HACL1: variants seen among roughly 807,000 people sequenced by gnomAD.
The protein encoded by HACL1 is 1600020H07Rik.
Under a neutral mutation model 74.2 loss-of-function variants are expected in HACL1, and 64 were observed. That is an observed-to-expected ratio of 0.86 (90% confidence interval 0.70 to 1.06). HACL1 has a LOEUF of 1.06. HACL1 is among the 50% of genes least tolerant of loss of function. HACL1 has a pLI of 0.00. For synonymous variants in HACL1, 230 were observed against 238.8 expected, an observed-to-expected ratio of 0.96 and a Z score of 0.34; for missense variants, 728 against 719.7, an observed-to-expected ratio of 1.01 and a Z score of -0.13.
At chr3:15,582,614 T>G (rs903500062) in intron 8 of HACL1, among the ~76,000 whole-genome samples, 1 of 152,234 alleles carries the variant, frequency 6.6e-6, no homozygotes, top group African/African-American at 2.4e-5. Flanking sequence ...TTTCTTGATT[T>G]TTCCAAAATG....
chr3:15,593,566 C>G (rs1181573955), intron 3 of HACL1, among the ~76,000 whole-genome samples: 1 of 152,088 alleles, frequency 6.6e-6, no homozygotes, highest in Non-Finnish European at 1.5e-5. Context: ...AGGTACCTAT[C>G]ATTTTCACAC....
At chr3:15,590,894 A>G (rs570410846) in intron 4 of HACL1, among the ~76,000 whole-genome samples, 1 of 152,334 alleles carries the variant, frequency 6.6e-6, no homozygotes, top group East Asian at 1.9e-4. Flanking sequence ...CAGCCTGGCC[A>G]GCATGGTGAA....
intron 15 of HACL1, among the ~76,000 whole-genome samples, chr3:15,563,837 G>A (rs2063387605): frequency 6.6e-6 from 1 of 152,180 alleles, no homozygotes; most frequent in South Asian, 2.1e-4. Context: ...TGACTAAACT[G>A]AGGAACTAAA....
chr3:15,588,066 G>A (rs1167024807), intron 5 of HACL1, among the ~76,000 whole-genome samples: 1 of 151,810 alleles, frequency 6.6e-6, no homozygotes, highest in Admixed American at 6.6e-5. Flanking sequence ...GCTAATTTTT[G>A]TATTTTTAGT....
At chr3:15,568,169 C>G (rs1212927711) in intron 13 of HACL1, among the ~76,000 whole-genome samples, 167 bp from the exon 14 acceptor site, 1 of 152,100 alleles carries the variant, frequency 6.6e-6, no homozygotes, top group East Asian at 1.9e-4. Context: ...ACTAATTTGT[C>G]AAGGATAGAA....
rs2063738048 is a variant in HACL1, at chr3:15,582,986, G to A, written c.558C>T (p.Tyr186=). 1.3e-6 allele frequency: 2 copies of A among 1,551,218 alleles called. No homozygotes were observed. Among genetic ancestry groups the A allele is most frequent in the Non-Finnish European group, 8.8e-7 (1 of 1,130,874 alleles). ...TAGGAGGTGACATGCAGCGTTCCAT[G>A]TACCTGGAAAAAAAGAGCCCTATTA... ...NLQVNVNSIK[Y]MERCMSPPIS... is the part of the protein sequence containing the mutation. Residue 186 remains tyrosine, a synonymous_variant, in exon 8 of 17, where the codon TAC becomes TAT. Coordinates refer to ENST00000321169, the MANE Select transcript of HACL1 (RefSeq NM_012260.4).
intron 9 of HACL1, among the ~76,000 whole-genome samples, chr3:15,579,079 C>T (rs1054750008): frequency 2.6e-5 from 4 of 152,186 alleles, no homozygotes; most frequent in Admixed American, 6.5e-5. Context: ...GTTCACACTT[C>T]GATTTGTAGT....
chr3:15,565,979 A>G (rs1296778499), intron 14 of HACL1, among the ~76,000 whole-genome samples: 2 of 152,234 alleles, frequency 1.3e-5, no homozygotes, highest in African/African-American at 4.8e-5. Flanking sequence ...AGACATCATT[A>G]AAAATATATG....
chr3:15,572,848 A>G (rs2063560090), intron 11 of HACL1, among the ~76,000 whole-genome samples: 1 of 152,246 alleles, frequency 6.6e-6, no homozygotes, highest in African/African-American at 2.4e-5. Flanking sequence ...TTTGGAAGGT[A>G]TACTTTTTCA....
At chr3:15,592,623 CAT>C (rs1419352507) in intron 3 of HACL1, among the ~76,000 whole-genome samples, 42 of 48,266 alleles carry the variant, frequency 8.7e-4, no homozygotes, top group Non-Finnish European at 1.3e-3. Flanking sequence ...CGTGTATACA[CAT>C]GTACGCACAT....
At chr3:15,593,446 T>C (rs1217534342) in intron 3 of HACL1, among the ~76,000 whole-genome samples, 1 of 152,044 alleles carries the variant, frequency 6.6e-6, no homozygotes, top group Non-Finnish European at 1.5e-5. Flanking sequence ...CTTGAACTCC[T>C]GGGCTCAAGC....
chr3:15,574,491 T>C (rs757873270), intron 10 of HACL1, among the ~76,000 whole-genome samples: 23 of 152,188 alleles, frequency 1.5e-4, no homozygotes, highest in Non-Finnish European at 3.4e-4. Context: ...ATAAGGTGGG[T>C]CATAATGATA....
Position 15,575,008 on chromosome 3 carries a change from G to T in HACL1, c.878C>A (p.Pro293Gln). The T allele has an allele frequency of 6.3e-7, 1 of 1,578,682 alleles. No homozygotes were observed. The highest frequency in any genetic ancestry group is 8.7e-7 in the Non-Finnish European group (1 of 1,148,944). Residue 293 changes from proline to glutamine, a missense_variant, in exon 10 of 17, where the codon CCA (proline) becomes CAA (glutamine). By Grantham distance (76) the Pro-to-Gln change is moderately conservative. Transcript: ENST00000321169. ...LNWILHFGLP[P>Q]RYQPDVKFIQ... ...AAACTTCACATCTGGCTGATATCTT[G>T]GAGGCAGTCCAAAATGTAAAATCCA...
rs2063798740 is a variant in HACL1, at chr3:15,586,572, A to G, written c.412T>C (p.Ser138Pro). 6.2e-7 allele frequency: 1 copy of G among 1,600,182 alleles called. No homozygotes were observed. ...VEACRLYTKF[S>P]ARPSSIEAIP... ...GCTTCTATGCTGCTTGGGCGGGCAG[A>G]GAACTTGGTATATAATCTACAAGCT... The change falls in exon 6 of 17, where the codon TCT becomes CCT. Residue 138 changes from serine to proline, a missense_variant. Physicochemically the swap from Ser to Pro is moderately conservative, Grantham distance 74. Coordinates refer to ENST00000321169, the MANE Select transcript of HACL1 (RefSeq NM_012260.4).
At chr3:15,565,344 G>A (rs1484118543) in intron 14 of HACL1, among the ~76,000 whole-genome samples, 1 of 152,106 alleles carries the variant, frequency 6.6e-6, no homozygotes, top group Non-Finnish European at 1.5e-5. Context: ...TGTTTGAAAC[G>A]TACCTTTCTA....
rs1289813065 is a variant in HACL1 at position 15,601,569 on chromosome 3, T to C, written c.-106A>G. ...CACGCCACCTCTGGTACTGCACCTCTGACGGACAGGAGGGCAACCAACTGC... is the reference window on the plus strand; with the variant it reads ...CACGCCACCTCTGGTACTGCACCTCCGACGGACAGGAGGGCAACCAACTGC... On this transcript the variant is annotated 5_prime_UTR_variant, in exon 1 of 17. Transcript: ENST00000321169. 1 of 1,599,400 alleles carries C rather than the reference T, an allele frequency of 6.3e-7. No individual in the cohort carries two copies. The highest frequency in any genetic ancestry group is 8.5e-7 in the Non-Finnish European group (1 of 1,176,978).
chr3:15,592,530 A>ATGTATACACATGTACGCACACGTGTGCG (rs2063957163), intron 3 of HACL1, among the ~76,000 whole-genome samples: 4 of 144,000 alleles, frequency 2.8e-5, no homozygotes, highest in Non-Finnish European at 4.7e-5. Flanking sequence ...ACATATACAC[A>ATGTATACACATGTACGCACACGTGTGCG]TGTATACACA....
At chr3:15,600,280 G>A (rs772544813) in intron 2 of HACL1, among the ~76,000 whole-genome samples, 4 of 152,232 alleles carry the variant, frequency 2.6e-5, no homozygotes, top group African/African-American at 4.8e-5. Flanking sequence ...AGTTGTTTGG[G>A]CAAGAGGAGG....
chr3:15,569,884 G>A (rs2063496699), intron 12 of HACL1, among the ~76,000 whole-genome samples: 1 of 151,940 alleles, frequency 6.6e-6, no homozygotes, highest in South Asian at 2.1e-4. Context: ...CAGCTACTCG[G>A]GAGGCTGAGG....
Sources: gnomAD v4.1 joint callset for allele counts (sites outside exome capture counted in the v4.1 genomes callset) on GRCh38, gnomAD v4.1.1 for gene constraint, MANE v1.5 for transcripts, NCBI Gene and HGNC (gene_info 2026-07-23, HGNC 2026-07-21) for gene names.